ELMOD3: variants seen among roughly 807,000 people sequenced by gnomAD.
ELMOD3 encodes the protein ELMO domain-containing protein 3.
Under a neutral mutation model 47.4 loss-of-function variants are expected in ELMOD3, and 36 were observed. The ratio of observed to expected loss-of-function variants is 0.76; its 90% CI spans 0.58 to 1.00. The LOEUF is 1.00. Among genes scored for constraint, ELMOD3 ranks in the 50% least tolerant of loss-of-function variants. ELMOD3 has a pLI of 0.00. For synonymous variants in ELMOD3, 149 were observed against 183.5 expected (o/e 0.81, Z 1.52); for missense variants, 404 against 463.8 (o/e 0.87, Z 1.18).
At chr2:85,383,732 A>T (rs1354065952) in intron 11 of ELMOD3, among the ~76,000 whole-genome samples, 1 of 152,186 alleles carries the variant, frequency 6.6e-6, no homozygotes, top group African/African-American at 2.4e-5. Context: ...TCATGCTGGT[A>T]CCAAGCATGG....
At chr2:85,369,713 C>T in intron 7 of ELMOD3, 26 bp from the exon 8 acceptor site, 1 of 1,610,990 alleles carries the variant, frequency 6.2e-7, no homozygotes, top group Non-Finnish European at 8.5e-7. Flanking sequence ...CCTATAAATC[C>T]TGGCATGTCT....
chr2:85,389,563 G>A (rs1686178032), intron 11 of ELMOD3, 188 bp from the exon 12 acceptor site: 3 of 607,860 alleles, frequency 4.9e-6, no homozygotes, highest in Non-Finnish European at 5.9e-6. Flanking sequence ...AGTTACTAAA[G>A]GTCACTGAGC....
chr2:85,380,041 G>GTT (rs1278421361), intron 11 of ELMOD3, among the ~76,000 whole-genome samples: 1 of 152,306 alleles, frequency 6.6e-6, no homozygotes, highest in South Asian at 2.1e-4. Context: ...CATAAATCAA[G>GTT]TTTGAGTTCT....
At chr2:85,379,381 A>G (rs1440581531) in intron 11 of ELMOD3, among the ~76,000 whole-genome samples, 1 of 152,042 alleles carries the variant, frequency 6.6e-6, no homozygotes, top group Non-Finnish European at 1.5e-5. Context: ...TAATTTTTGT[A>G]TTTTTAGTAA....
At chr2:85,357,983 A>G (rs914076418) in intron 4 of ELMOD3, among the ~76,000 whole-genome samples, 7 of 152,212 alleles carry the variant, frequency 4.6e-5, no homozygotes, top group East Asian at 1.9e-4. Context: ...TGAAACATAT[A>G]AAAGAAATAT....
intron 4 of ELMOD3, among the ~76,000 whole-genome samples, chr2:85,361,097 C>T (rs539559696): frequency 1.3e-5 from 2 of 152,292 alleles, no homozygotes; most frequent in South Asian, 4.1e-4. Flanking sequence ...GGGATTGTAG[C>T]TGTGAGCCAC....
chr2:85,383,934 G>A (rs1372032231), intron 11 of ELMOD3, among the ~76,000 whole-genome samples: 1 of 152,222 alleles, frequency 6.6e-6, no homozygotes, highest in Non-Finnish European at 1.5e-5. Context: ...TCAGAGCACA[G>A]CTTGGTTTTA....
At chr2:85,362,634 T>C (rs981905868) in intron 5 of ELMOD3, among the ~76,000 whole-genome samples, 3 of 152,108 alleles carry the variant, frequency 2.0e-5, no homozygotes, top group Admixed American at 1.3e-4. Flanking sequence ...TAAAATGGAC[T>C]TCAAGGCCAG....
In ELMOD3 at chr2:85,368,740, T is replaced by G. The variant is rs139481126; in HGVS notation, c.254T>G (p.Ile85Ser). 2,067 of 1,614,156 alleles carry G rather than the reference T, an allele frequency of 1.3e-3. 4 individuals carry two copies. Among genetic ancestry groups the G allele is most frequent in the Non-Finnish European group, 1.6e-3 (1,852 of 1,180,020 alleles). The stretch of plus-strand genomic sequence containing the variant: ...GAAGAATGGGAAGCTGTGGACACCA[T>G]CCAGCCAGAGACAGGTAACTGTACG... The part of the protein sequence containing the change: ...AQEEWEAVDT[I>S]QPETGSQASS... The change falls in exon 7 of 14, where the codon ATC becomes AGC. Residue 85 changes from isoleucine (I) to serine (S), a missense_variant. Transcript: ENST00000409013.
At chr2:85,387,258 C>T (rs1374852649) in intron 11 of ELMOD3, 27 of 1,142,484 alleles carry the variant, frequency 2.4e-5, no homozygotes, top group Non-Finnish European at 2.7e-5. Context: ...TTTGTTAATA[C>T]CTACTTGGGC....
intron 11 of ELMOD3, among the ~76,000 whole-genome samples, chr2:85,379,619 C>G (rs1397750729): frequency 6.6e-6 from 1 of 152,130 alleles, no homozygotes; most frequent in Non-Finnish European, 1.5e-5. Context: ...GACAGGTGTA[C>G]TATAGTTTTT....
In ELMOD3 at chr2:85,376,489, T is replaced by A. The variant is rs1411706829; in HGVS notation, c.608-855T>A. ...TGGGGCCAGGGGTGCCTCGTTACTCTTCCTATGTGGCTTCCACATTGCAGA... is the reference window on the plus strand; with the variant it reads ...TGGGGCCAGGGGTGCCTCGTTACTCATCCTATGTGGCTTCCACATTGCAGA... On this transcript the variant is annotated intron_variant, in intron 10 of 13. Transcript: ENST00000409013. This position sits in a 1 kb window ranked among gnomAD's most constrained non-coding sequence, Gnocchi z 4.2. 6.6e-6 allele frequency among the ~76,000 whole-genome samples: 1 copy of A among 152,194 alleles called. No individual in the cohort carries two copies. The highest frequency in any genetic ancestry group is 2.4e-5 in the African/African-American group (1 of 41,440).
chr2:85,361,206 GTTT>G (rs58551694), intron 4 of ELMOD3, among the ~76,000 whole-genome samples: 41,723 of 151,928 alleles, frequency 0.27, 6,094 homozygotes, highest in African/African-American at 0.33. Context: ...ATTTTGGTCG[GTTT>G]TTTGTTTTTC....
intron 6 of ELMOD3, among the ~76,000 whole-genome samples, chr2:85,365,490 A>G (rs180924895): frequency 3.3e-4 from 51 of 152,328 alleles, no homozygotes; most frequent in African/African-American, 1.1e-3. Context: ...AAAGGAAAAA[A>G]GATAACCTAA....
intron 11 of ELMOD3, among the ~76,000 whole-genome samples, chr2:85,383,114 T>C (rs970248320): frequency 1.3e-4 from 19 of 150,148 alleles, no homozygotes; most frequent in African/African-American, 4.4e-4. Context: ...AAATAAACTT[T>C]AGATCTTTTT....
chr2:85,390,098 C>T (rs1466617966), intron 12 of ELMOD3, 40 bp from the exon 13 acceptor site: 2 of 1,569,050 alleles, frequency 1.3e-6, no homozygotes, highest in African/African-American at 1.4e-5. Flanking sequence ...TCTCAGCCTT[C>T]ATCCACCGCT....
At chr2:85,379,761 C>CT (rs1209380615) in intron 11 of ELMOD3, among the ~76,000 whole-genome samples, 2 of 152,058 alleles carry the variant, frequency 1.3e-5, no homozygotes, top group Admixed American at 6.6e-5. Flanking sequence ...TTCACATAGG[C>CT]TTTTTTTAAA....
At chr2:85,388,048 C>A (rs1686060395) in intron 11 of ELMOD3, among the ~76,000 whole-genome samples, 1 of 152,102 alleles carries the variant, frequency 6.6e-6, no homozygotes, top group African/African-American at 2.4e-5. Context: ...CCATGACATG[C>A]TGGTCATGTA....
chr2:85,355,402 C>T (rs149797486), intron 2 of ELMOD3, 153 bp from the exon 3 acceptor site: 1 of 152,206 alleles, frequency 6.6e-6, no homozygotes, highest in Admixed American at 6.5e-5. Context: ...AATCATACCC[C>T]CTCCTTGCCT....
Sources: gnomAD v4.1 joint callset for allele counts (sites outside exome capture counted in the v4.1 genomes callset) on GRCh38, gnomAD v4.1.1 for gene constraint, Gnocchi (gnomAD v3.1) non-coding constraint, MANE v1.5 for transcripts, NCBI Gene and HGNC (gene_info 2026-07-23, HGNC 2026-07-21) for gene names.